ASCC3: variants seen among roughly 807,000 people sequenced by gnomAD.
The protein encoded by ASCC3 is ASC-1 complex subunit P200.
In ASCC3, 158 loss-of-function variants were observed where a neutral mutation model predicts 256.3. The observed-to-expected ratio is 0.62, with a 90% CI of 0.54 to 0.70. The LOEUF is 0.70. Among genes scored for constraint, ASCC3 ranks in the 30% least tolerant of loss-of-function variants. The pLI, the probability that ASCC3 is intolerant of heterozygous loss-of-function variation, is 0.00. For synonymous variants in ASCC3, 948 were observed against 883.4 expected, an observed-to-expected ratio of 1.07 and a Z score of -1.30; for missense variants, 2,259 against 2,626.0, an observed-to-expected ratio of 0.86 and a Z score of 3.05.
intron 24 of ASCC3, among the ~76,000 whole-genome samples, chr6:100,642,325 T>C (rs920173783): frequency 6.6e-6 from 1 of 152,134 alleles, no homozygotes; most frequent in South Asian, 2.1e-4. Flanking sequence ...AAATTCCCCA[T>C]AACTCACTGG....
At chr6:100,725,824 A>T (rs1779594552) in intron 10 of ASCC3, 121 bp from the exon 11 acceptor site, 2 of 937,530 alleles carry the variant, frequency 2.1e-6, no homozygotes, top group Non-Finnish European at 3.3e-6. Context: ...AGTGTTTAGA[A>T]TAGCCTAGAA....
intron 36 of ASCC3, among the ~76,000 whole-genome samples, chr6:100,572,785 T>C (rs1448157675): frequency 1.3e-5 from 2 of 152,112 alleles, no homozygotes; most frequent in African/African-American, 2.4e-5. Flanking sequence ...AAAAAAATGC[T>C]GAAATAATTA....
At chr6:100,879,555 T>A (rs945536785) in intron 1 of ASCC3, among the ~76,000 whole-genome samples, 2 of 152,106 alleles carry the variant, frequency 1.3e-5, no homozygotes, top group Non-Finnish European at 2.9e-5. Context: ...GGGAGGCCGA[T>A]GCAGGAGGAC....
At chr6:100,812,275 T>C (rs77730389) in intron 4 of ASCC3, among the ~76,000 whole-genome samples, 2,036 of 152,146 alleles carry the variant, frequency 0.013, 20 homozygotes, top group East Asian at 0.045. Context: ...ATAAGGCATG[T>C]AAAGAAATGG....
chr6:100,786,317 A>G (rs536001872), intron 8 of ASCC3, among the ~76,000 whole-genome samples: 16 of 152,286 alleles, frequency 1.1e-4, no homozygotes, highest in African/African-American at 3.8e-4. Context: ...TATAATGCGG[A>G]TGGAAATAAT....
chr6:100,766,789 T>A (rs1781679330), intron 9 of ASCC3, 84 bp from the exon 10 acceptor site: 2 of 1,479,280 alleles, frequency 1.4e-6, no homozygotes, highest in Non-Finnish European at 1.9e-6. Flanking sequence ...AGTCACAATT[T>A]ATTGTGAAAT....
At chr6:100,777,362 T>C (rs747917390) in intron 8 of ASCC3, among the ~76,000 whole-genome samples, 2 of 152,134 alleles carry the variant, frequency 1.3e-5, no homozygotes, top group Non-Finnish European at 2.9e-5. Context: ...ATTCATTTAT[T>C]TGGCAAATAG....
At chr6:100,852,677 A>T (rs1037823370) in intron 3 of ASCC3, among the ~76,000 whole-genome samples, 30 of 152,204 alleles carry the variant, frequency 2.0e-4, no homozygotes, top group African/African-American at 7.2e-4. Flanking sequence ...TTGATACACT[A>T]ATCAACTGAC....
intron 13 of ASCC3, among the ~76,000 whole-genome samples, chr6:100,689,454 C>A (rs1414301707): frequency 6.6e-6 from 1 of 152,154 alleles, no homozygotes; most frequent in African/African-American, 2.4e-5. Context: ...AGCCTACTTT[C>A]TTTCCATCAA....
intron 34 of ASCC3, among the ~76,000 whole-genome samples, chr6:100,598,457 A>G (rs756448716): frequency 6.8e-6 from 1 of 147,126 alleles, no homozygotes. Context: ...TCAGAGGCTC[A>G]CTATAATTTC....
intron 4 of ASCC3, among the ~76,000 whole-genome samples, chr6:100,825,261 G>T (rs1271946069): frequency 6.8e-6 from 1 of 146,212 alleles, no homozygotes. Context: ...AACACTATGA[G>T]ATTCTTTTGT....
chr6:100,867,048 C>T (rs1379786956), intron 2 of ASCC3, among the ~76,000 whole-genome samples: 2 of 152,106 alleles, frequency 1.3e-5, no homozygotes, highest in East Asian at 1.9e-4. Flanking sequence ...GTTTATCCAT[C>T]AGAAGAAATT....
chr6:100,651,655 G>A lies in ASCC3; in HGVS notation c.2989-9C>T. On this transcript the variant is annotated splice_polypyrimidine_tract_variant and intron_variant, in intron 18 of 41. Coordinates refer to ENST00000369162, the MANE Select transcript of ASCC3 (RefSeq NM_006828.4). The stretch of plus-strand genomic sequence containing the variant: ...AAGAGTTCATTAAAGGTCTACCAAA[G>A]TAAGTGTTATATTTGATTAAAATAA... 6.9e-7 allele frequency: 1 copy of A among 1,459,688 alleles called. No individual in the cohort carries two copies. Among genetic ancestry groups the A allele is most frequent in the Non-Finnish European group, 9.4e-7 (1 of 1,059,546 alleles). The allele number at this position is 1,459,688 out of a possible 1,614,324, so 90.4% of individuals were successfully genotyped here.
At chr6:100,802,817 T>A (rs1161662719) in intron 5 of ASCC3, among the ~76,000 whole-genome samples, 2 of 151,626 alleles carry the variant, frequency 1.3e-5, no homozygotes, top group African/African-American at 4.8e-5. Flanking sequence ...CTGGGCAACA[T>A]GGGGAGATCT....
At chr6:100,598,147 G>A (rs1772406078) in intron 34 of ASCC3, among the ~76,000 whole-genome samples, 1 of 152,078 alleles carries the variant, frequency 6.6e-6, no homozygotes, top group African/African-American at 2.4e-5. Context: ...AAAGTGAGAG[G>A]AACCTCTTAT....
chr6:100,851,802 A>G (rs571472263), intron 3 of ASCC3, among the ~76,000 whole-genome samples: 46 of 152,324 alleles, frequency 3.0e-4, no homozygotes, highest in Admixed American at 2.4e-3. Flanking sequence ...ATTTGTTAAC[A>G]TGGATGACTA....
At chr6:100,749,253 T>C (rs1040988158) in intron 10 of ASCC3, among the ~76,000 whole-genome samples, 2 of 152,052 alleles carry the variant, frequency 1.3e-5, no homozygotes, top group African/African-American at 2.4e-5. Flanking sequence ...ATATCTAAGA[T>C]AGGAATACTC....
In ASCC3 at chr6:100,647,417, A is replaced by G. The variant is rs1775435632; in HGVS notation, c.3287T>C (p.Ile1096Thr). ...AARIVRALFE[I>T]ALRKRWPTMT... ...GGTAGGCCAACGTTTCCTCAGAGCA[A>G]TTTCAAAAAGAGCACGGACAATTCT... The change falls in exon 21 of 42, where the codon ATT becomes ACT. Residue 1096 changes from isoleucine (I) to threonine (T), a missense_variant. Transcript: ENST00000369162. 6.2e-7 allele frequency: 1 copy of G among 1,614,014 alleles called. No individual in the cohort carries two copies. Among genetic ancestry groups the G allele is most frequent in the Non-Finnish European group, 8.5e-7 (1 of 1,179,948 alleles).
chr6:100,640,315 T>C (rs560667659), intron 24 of ASCC3, among the ~76,000 whole-genome samples: 2 of 152,324 alleles, frequency 1.3e-5, no homozygotes, highest in Admixed American at 1.3e-4. Context: ...AAGGTTTTTC[T>C]TGGCTCATTT....
Sources: gnomAD v4.1 joint callset for allele counts (sites outside exome capture counted in the v4.1 genomes callset) on GRCh38, gnomAD v4.1.1 for gene constraint, MANE v1.5 for transcripts, NCBI Gene and HGNC (gene_info 2026-07-23, HGNC 2026-07-21) for gene names.